CCDC178: variants seen among roughly 807,000 people sequenced by gnomAD.
CCDC178 encodes coiled-coil domain containing 178, also known as coiled-coil domain-containing protein 178.
A neutral mutation model predicts 117.4 loss-of-function variants in CCDC178; 126 were observed. That is an observed-to-expected ratio of 1.07 (90% confidence interval 0.93 to 1.24). The LOEUF (loss-of-function observed/expected upper bound fraction) is 1.24, where lower values mean the gene tolerates loss of function less well. CCDC178 is among the 50% of genes most tolerant of loss of function. The probability of loss-of-function intolerance (pLI) is 0.00; values close to 1 mark genes in which losing one functional copy is unlikely to be tolerated. For missense variants in CCDC178, 1,030 were observed against 986.9 expected (o/e 1.04, Z -0.59); for synonymous variants, 283 against 313.4 (o/e 0.90, Z 1.02).
chr18:33,226,970 A>T (rs1292305029), intron 15 of CCDC178, 115 bp from the exon 16 acceptor site: 1 of 375,286 alleles, frequency 2.7e-6, no homozygotes, highest in African/African-American at 2.1e-5. Flanking sequence ...AGAGTAAAAT[A>T]TTAATTATAA....
At chr18:33,384,508 G>A (rs927489601) in intron 5 of CCDC178, among the ~76,000 whole-genome samples, 9 of 152,114 alleles carry the variant, frequency 5.9e-5, no homozygotes, top group African/African-American at 9.7e-5. Flanking sequence ...GACTAACCGC[G>A]TACCTCTCCA....
At chr18:33,375,510 A>C (rs1280374025) in intron 5 of CCDC178, among the ~76,000 whole-genome samples, 1 of 152,144 alleles carries the variant, frequency 6.6e-6, no homozygotes, top group African/African-American at 2.4e-5. Flanking sequence ...GCAGAATCCT[A>C]TGCAGAATGG....
chr18:33,239,645 T>C (rs1424330755), intron 15 of CCDC178, among the ~76,000 whole-genome samples: 1 of 151,868 alleles, frequency 6.6e-6, no homozygotes, highest in Non-Finnish European at 1.5e-5. Context: ...ATTAATTCAG[T>C]AAGAGAAAAT....
intron 6 of CCDC178, among the ~76,000 whole-genome samples, chr18:33,368,892 T>A (rs1218281939): frequency 6.6e-6 from 1 of 152,030 alleles, no homozygotes; most frequent in African/African-American, 2.4e-5. Flanking sequence ...AATACCATTA[T>A]ACCATTTTAA....
chr18:33,076,580 C>T (rs1293728712), intron 21 of CCDC178, among the ~76,000 whole-genome samples: 3 of 152,188 alleles, frequency 2.0e-5, no homozygotes, highest in African/African-American at 7.2e-5. Context: ...GCACTCCACA[C>T]TTTGTGTGAT....
At chr18:33,365,423 T>G (rs2063189411) in intron 6 of CCDC178, among the ~76,000 whole-genome samples, 1 of 152,110 alleles carries the variant, frequency 6.6e-6, no homozygotes, top group Non-Finnish European at 1.5e-5. Flanking sequence ...ACACCTGGTC[T>G]GGATGCTGGC....
At chr18:33,030,545 A>C (rs983951301) in intron 21 of CCDC178, among the ~76,000 whole-genome samples, 1 of 151,906 alleles carries the variant, frequency 6.6e-6, no homozygotes, top group Admixed American at 6.6e-5. Flanking sequence ...AGATAGATAG[A>C]TAGATAGATA....
intron 22 of CCDC178, among the ~76,000 whole-genome samples, chr18:32,973,903 C>T (rs151263563): frequency 1.2e-4 from 19 of 152,156 alleles, no homozygotes; most frequent in African/African-American, 4.6e-4. Flanking sequence ...TATGGTAAAA[C>T]ATTAATTTTT....
At chr18:33,394,949 A>ATATG (rs2063613803) in intron 4 of CCDC178, among the ~76,000 whole-genome samples, 1 of 75,950 alleles carries the variant, frequency 1.3e-5, no homozygotes, top group Non-Finnish European at 2.7e-5. Flanking sequence ...ATGTGTATAT[A>ATATG]TATATATATA....
chr18:33,415,470 A>G (rs2063925296), intron 2 of CCDC178, among the ~76,000 whole-genome samples: 2 of 150,398 alleles, frequency 1.3e-5, no homozygotes, highest in South Asian at 4.2e-4. Flanking sequence ...CAAACACCGC[A>G]TGTTCTCACT....
chr18:32,986,167 A>G (rs1403586680), intron 21 of CCDC178, among the ~76,000 whole-genome samples: 1 of 152,122 alleles, frequency 6.6e-6, no homozygotes, highest in Non-Finnish European at 1.5e-5. Flanking sequence ...TTTTAAAACA[A>G]AATCAATTCT....
chr18:33,407,421 A>C (rs1329261261), intron 3 of CCDC178, among the ~76,000 whole-genome samples: 2 of 152,198 alleles, frequency 1.3e-5, no homozygotes, highest in Non-Finnish European at 2.9e-5. Flanking sequence ...GAAGAGAAGG[A>C]AGGTAATAAT....
At chr18:32,938,908 T>C (rs2054177533) in intron 22 of CCDC178, among the ~76,000 whole-genome samples, 1 of 152,204 alleles carries the variant, frequency 6.6e-6, no homozygotes, top group Non-Finnish European at 1.5e-5. Flanking sequence ...CTGTGTGCTC[T>C]GATTTTCAAT....
intron 20 of CCDC178, among the ~76,000 whole-genome samples, chr18:33,117,042 G>A (rs146726344): frequency 1.7e-4 from 26 of 152,196 alleles, no homozygotes; most frequent in Middle Eastern, 3.4e-3. Flanking sequence ...ATGGTCTGTG[G>A]TTAATAGTTT....
intron 2 of CCDC178, among the ~76,000 whole-genome samples, chr18:33,430,950 C>G (rs193098615): frequency 6.6e-6 from 1 of 151,794 alleles, no homozygotes; most frequent in Non-Finnish European, 1.5e-5. Flanking sequence ...TGGTGGGCCC[C>G]TGTGGTCCCA....
intron 21 of CCDC178, among the ~76,000 whole-genome samples, chr18:33,007,025 T>C (rs1828463294): frequency 6.6e-6 from 1 of 152,072 alleles, no homozygotes; most frequent in African/African-American, 2.4e-5. Flanking sequence ...GTGGAAATTG[T>C]GAGTTAATGA....
intron 5 of CCDC178, among the ~76,000 whole-genome samples, chr18:33,374,951 A>C (rs2063345036): frequency 1.3e-5 from 2 of 152,178 alleles, no homozygotes; most frequent in African/African-American, 4.8e-5. Context: ...TGTGGGAGTG[A>C]GTTAAAGTAA....
intron 7 of CCDC178, among the ~76,000 whole-genome samples, chr18:33,350,214 G>A (rs1465445577): frequency 6.6e-6 from 1 of 151,808 alleles, no homozygotes; most frequent in Non-Finnish European, 1.5e-5. Context: ...ATCATTTTGT[G>A]TATTATCTTC....
intron 21 of CCDC178, among the ~76,000 whole-genome samples, chr18:32,984,293 C>T (rs927111282): frequency 6.6e-6 from 1 of 151,904 alleles, no homozygotes; most frequent in African/African-American, 2.4e-5. Flanking sequence ...GAAAGCTGAT[C>T]TACACAGACA....
Sources: gnomAD v4.1 joint callset for allele counts (sites outside exome capture counted in the v4.1 genomes callset) on GRCh38, gnomAD v4.1.1 for gene constraint, MANE v1.5 for transcripts, NCBI Gene and HGNC (gene_info 2026-07-23, HGNC 2026-07-21) for gene names.